Variants in XYLB observed in about 807,000 individuals in gnomAD.
XYLB encodes the protein xylulokinase.
In XYLB, 62 loss-of-function variants were observed where a neutral mutation model predicts 78.7. The observed-to-expected ratio is 0.79, with a 90% CI of 0.64 to 0.97. The LOEUF is 0.97. Among genes scored for constraint, XYLB ranks in the 50% least tolerant of loss-of-function variants. The pLI is 0.00. For synonymous variants in XYLB, 245 were observed against 247.4 expected, an observed-to-expected ratio of 0.99 and a Z score of 0.09; for missense variants, 687 against 676.8, an observed-to-expected ratio of 1.02 and a Z score of -0.17.
intron 8 of XYLB, among the ~76,000 whole-genome samples, chr3:38,369,144 C>T (rs761382142): frequency 2.0e-5 from 3 of 152,078 alleles, no homozygotes; most frequent in Non-Finnish European, 2.9e-5. Flanking sequence ...CGTGGGAATT[C>T]ATGGGAAGTT....
chr3:38,362,358 C>T (rs1706019234), intron 3 of XYLB, among the ~76,000 whole-genome samples: 2 of 152,220 alleles, frequency 1.3e-5, no homozygotes, highest in South Asian at 4.1e-4. Flanking sequence ...CCTCCTCAGC[C>T]TCCTGAGTAG....
intron 5 of XYLB, 146 bp downstream of exon 5, chr3:38,365,431 A>G: frequency 7.3e-7 from 1 of 1,366,272 alleles, no homozygotes; most frequent in Non-Finnish European, 1.0e-6. Flanking sequence ...TTGGGGAGAG[A>G]CCCCACTGGG....
chr3:38,373,574 G>T (rs1383948613), intron 10 of XYLB, among the ~76,000 whole-genome samples: 2 of 152,178 alleles, frequency 1.3e-5, no homozygotes, highest in East Asian at 3.8e-4. Context: ...TGGATGGAGG[G>T]TGGTGTTGCT....
At chr3:38,442,238 C>T in the XYLB span, among the ~76,000 whole-genome samples, 4 of 152,246 alleles carry the variant, frequency 2.6e-5, no homozygotes, top group Non-Finnish European at 4.4e-5. Context: ...GTTGGGCCTT[C>T]GATTTAAATG....
chr3:38,440,324 G>T, the XYLB span, among the ~76,000 whole-genome samples: 1 of 152,168 alleles, frequency 6.6e-6, no homozygotes, highest in Admixed American at 6.5e-5. Context: ...ACTTAGAATT[G>T]GTATAGATGG....
downstream of XYLB, among the ~76,000 whole-genome samples, chr3:38,415,449 G>T (rs931600812): frequency 6.6e-6 from 1 of 152,026 alleles, no homozygotes; most frequent in African/African-American, 2.4e-5. Context: ...GTGGGGATAA[G>T]GGTGGAAGAA....
At chr3:38,395,241 C>A (rs1014387714) in intron 15 of XYLB, among the ~76,000 whole-genome samples, 1 of 152,110 alleles carries the variant, frequency 6.6e-6, no homozygotes. Flanking sequence ...AAGGAAGTTC[C>A]CTTCTCCTGT....
In XYLB at chr3:38,414,982, A is replaced by C. The variant is rs1275453659; in HGVS notation, c.*1969A>C. On this transcript the variant is annotated 3_prime_UTR_variant, in exon 19 of 19. Coordinates refer to ENST00000207870, the MANE Select transcript of XYLB (RefSeq NM_005108.4). ...AAACCCCAAAGAACTTTTGGAAAAC[A>C]AAAGAAAACCTTAAACTTTATCTTG... The C allele has an allele frequency of 6.6e-6, 1 of 152,220 alleles. No homozygotes were observed. Among genetic ancestry groups the C allele is most frequent in the East Asian group, 1.9e-4 (1 of 5,200 alleles). 9.4% of individuals were successfully genotyped at this position (152,220 alleles called of 1,614,324 possible).
At chr3:38,419,578 T>TATATATATATATATATATATATATA (rs1708907358), downstream of XYLB, among the ~76,000 whole-genome samples, 1 of 68,280 alleles carries the variant, frequency 1.5e-5, no homozygotes, top group South Asian at 5.4e-4. Flanking sequence ...TTATTTTTCT[T>TATATATATATATATATATATATATA]TATATATATA....
downstream of XYLB, among the ~76,000 whole-genome samples, chr3:38,422,050 C>G (rs796652340): frequency 6.6e-6 from 1 of 152,160 alleles, no homozygotes; most frequent in Non-Finnish European, 1.5e-5. Flanking sequence ...GAGTCTTTTC[C>G]TTTTAAAATA....
In XYLB at chr3:38,348,556, G is replaced by A. The variant is rs1227276250; in HGVS notation, c.64G>A (p.Val22Ile). Residue 22 changes from valine (V) to isoleucine (I), a missense_variant, in exon 2 of 19, where the codon GTT (valine) becomes ATT (isoleucine). Physicochemically the swap from Val to Ile is conservative, Grantham distance 29. Transcript: ENST00000207870. ...TTTTTAAAATGCCTTTCAGGTAAAG[G>A]TTGTTGCTGTTGATGCAGAGTTGAA... ...GWDFSTQQVK[V>I]VAVDAELNVF... 1.9e-6 allele frequency: 3 copies of A among 1,614,058 alleles called. No individual in the cohort carries two copies. The highest frequency in any genetic ancestry group is 2.5e-6 in the Non-Finnish European group (3 of 1,180,038).
At chr3:38,354,889 T>C (rs1419696450) in intron 2 of XYLB, among the ~76,000 whole-genome samples, 1 of 152,266 alleles carries the variant, frequency 6.6e-6, no homozygotes, top group Non-Finnish European at 1.5e-5. Context: ...AGTCTTCCTG[T>C]CTAAGCACAC....
At chr3:38,353,390 A>G (rs1233754357) in intron 2 of XYLB, among the ~76,000 whole-genome samples, 1 of 152,074 alleles carries the variant, frequency 6.6e-6, no homozygotes, top group South Asian at 2.1e-4. Flanking sequence ...ACTGCTATCT[A>G]TGCCTCCCGG....
chr3:38,423,437 T>A (rs1709039697), downstream of XYLB, among the ~76,000 whole-genome samples: 1 of 152,240 alleles, frequency 6.6e-6, no homozygotes, highest in Non-Finnish European at 1.5e-5. Context: ...AGCCATTAAT[T>A]CGGTTAGACA....
chr3:38,409,272 C>T (rs1186962218), intron 18 of XYLB, among the ~76,000 whole-genome samples: 1 of 152,024 alleles, frequency 6.6e-6, no homozygotes, highest in Non-Finnish European at 1.5e-5. Flanking sequence ...ATAAACAGAA[C>T]CAAAGACAAA....
chr3:38,366,453 T>C (rs781448130), intron 6 of XYLB, among the ~76,000 whole-genome samples: 17 of 152,232 alleles, frequency 1.1e-4, no homozygotes, highest in Non-Finnish European at 1.8e-4. Flanking sequence ...AGCCATTGTT[T>C]ACTGCCTGAG....
intron 15 of XYLB, among the ~76,000 whole-genome samples, chr3:38,385,423 A>G (rs1019726661): frequency 3.3e-5 from 5 of 151,864 alleles, no homozygotes; most frequent in African/African-American, 1.2e-4. Context: ...GCTCCCTTTT[A>G]TTAATTTCTA....
chr3:38,405,550 T>C (rs13074866), intron 18 of XYLB, among the ~76,000 whole-genome samples: 74,068 of 152,070 alleles, frequency 0.49, 20,027 homozygotes, highest in Non-Finnish European at 0.61. Flanking sequence ...GTGGGTGCAG[T>C]GCACCGTGCG....
intron 16 of XYLB, among the ~76,000 whole-genome samples, chr3:38,395,995 C>T (rs1324236714): frequency 6.6e-6 from 1 of 152,208 alleles, no homozygotes; most frequent in Non-Finnish European, 1.5e-5. Flanking sequence ...AAACATATGA[C>T]CAAAAGTAGA....
Sources: gnomAD v4.1 joint callset for allele counts (sites outside exome capture counted in the v4.1 genomes callset) on GRCh38, gnomAD v4.1.1 for gene constraint, MANE v1.5 for transcripts, NCBI Gene and HGNC (gene_info 2026-07-23, HGNC 2026-07-21) for gene names.